PIEZO2: variants seen among roughly 807,000 people sequenced by gnomAD.
PIEZO2 encodes piezo type mechanosensitive ion channel component 2, also known as piezo-type mechanosensitive ion channel component 2.
PIEZO2 carries 172 observed loss-of-function variants against 337.3 expected under a neutral mutation model. The observed-to-expected ratio is 0.51, with a 90% confidence interval of 0.45 to 0.58. The LOEUF (loss-of-function observed/expected upper bound fraction) is 0.58. PIEZO2 is among the 20% of genes least tolerant of loss of function. The pLI, the probability that PIEZO2 is intolerant of heterozygous loss-of-function variation, is 0.00. For synonymous variants in PIEZO2, 1,251 were observed against 1,228.5 expected (o/e 1.02, Z -0.38); for missense variants, 3,028 against 3,391.3 (o/e 0.89, Z 2.66).
chr18:10,997,240 C>T (rs1220205544), intron 2 of PIEZO2, among the ~76,000 whole-genome samples: 1 of 148,830 alleles, frequency 6.7e-6, no homozygotes, highest in Middle Eastern at 3.4e-3. Flanking sequence ...AGATTGACTG[C>T]CTGCAAAAAA....
intron 3 of PIEZO2, among the ~76,000 whole-genome samples, chr18:10,937,776 T>C (rs1408394216): frequency 6.6e-6 from 1 of 152,058 alleles, no homozygotes; most frequent in Non-Finnish European, 1.5e-5. Context: ...GTCCTAGGAG[T>C]CCTTTTCACA....
intron 16 of PIEZO2, 114 bp from the exon 17 acceptor site, chr18:10,785,071 G>T: frequency 5.8e-6 from 7 of 1,201,908 alleles, no homozygotes; most frequent in Non-Finnish European, 7.9e-6. Context: ...ATCGTTTATT[G>T]AATCCCTCTC....
Position 11,032,651 on chromosome 18 carries a change from G to A in PIEZO2, c.160+33476C>T, listed in dbSNP as rs2036782596. Among the ~76,000 whole-genome samples the A allele has an allele frequency of 6.6e-6, 1 of 152,152 alleles. No individual in the cohort carries two copies. The highest frequency in any genetic ancestry group is 6.5e-5 in the Admixed American group (1 of 15,276). ...AAGGCAGTATGTTCTGAGCAATAAG[G>A]CAAATGCATTTCAGTTTTAAAATGT... On this transcript the variant is annotated intron_variant, in intron 2 of 55. Transcript: ENST00000674853. The surrounding 1 kb of genome is among the most constrained non-coding windows in gnomAD (Gnocchi z 4.9).
At chr18:10,911,473 G>A (rs1362727643) in intron 3 of PIEZO2, among the ~76,000 whole-genome samples, 3 of 149,608 alleles carry the variant, frequency 2.0e-5, no homozygotes, top group Admixed American at 1.3e-4. Context: ...CCTGCAATGT[G>A]GCCAGCCGCA....
Position 10,724,591 on chromosome 18 carries a change from C to G in PIEZO2, c.5030-6332G>C, listed in dbSNP as rs1251060618. On this transcript the variant is annotated intron_variant, in intron 36 of 55. Coordinates refer to ENST00000674853, the MANE Select transcript of PIEZO2 (RefSeq NM_001378183.1). This position sits in a 1 kb window ranked among gnomAD's most constrained non-coding sequence, Gnocchi z 5.8. ...CGACAGTGTGGGGAGTTGGAGTGAC[C>G]CAGCTGGATGTGACCCCCAAGACAG... 1 of 608,342 alleles carries G rather than the reference C, an allele frequency of 1.6e-6. No individual in the cohort carries two copies. Among genetic ancestry groups the G allele is most frequent in the Non-Finnish European group, 3.0e-6 (1 of 336,008 alleles). The allele number at this position is 608,342 out of a possible 1,614,324, so 37.7% of individuals were successfully genotyped here.
At position 10,846,350 on chromosome 18, in the gene PIEZO2, C is replaced by T. The variant is rs748163212; in HGVS notation, c.917+9003G>A. 7.8e-4 allele frequency among the ~76,000 whole-genome samples: 118 copies of T among 152,170 alleles called. No individual in the cohort carries two copies. The highest frequency in any genetic ancestry group is 6.6e-4 in the Non-Finnish European group (45 of 68,040). ...TATCACCAGAACAACACAGGAAAGA[C>T]CTGCCCCCATAATTCAATCACCTCC... is the stretch of plus-strand genomic sequence containing the variant. On this transcript the variant is annotated intron_variant, in intron 7 of 55. Coordinates refer to ENST00000674853, the MANE Select transcript of PIEZO2 (RefSeq NM_001378183.1). This position sits in a 1 kb window ranked among gnomAD's most constrained non-coding sequence, Gnocchi z 4.1.
chr18:11,116,800 A>G lies in PIEZO2; in HGVS notation c.64+31725T>C, dbSNP rs1475811195. ...CTGTATAGCACAGTAGGGTGACTAT[A>G]GTTAACAATAATTTATTGTGTATTT... On this transcript the variant is annotated intron_variant, in intron 1 of 55. Coordinates refer to ENST00000674853, the MANE Select transcript of PIEZO2 (RefSeq NM_001378183.1). This position sits in a 1 kb window ranked among gnomAD's most constrained non-coding sequence, Gnocchi z 5.0. Among the ~76,000 whole-genome samples the G allele has an allele frequency of 6.6e-6, 1 of 151,658 alleles. No individual in the cohort carries two copies. The highest frequency in any genetic ancestry group is 1.5e-5 in the Non-Finnish European group (1 of 67,928).
At chr18:10,796,920 T>A (rs950916736) in intron 12 of PIEZO2, among the ~76,000 whole-genome samples, 3 of 152,142 alleles carry the variant, frequency 2.0e-5, no homozygotes, top group Non-Finnish European at 4.4e-5. Context: ...TTACATACCA[T>A]CATATATGTA....
At position 10,689,825 on chromosome 18, in the gene PIEZO2, A is replaced by T. The variant is rs769340814; in HGVS notation, c.7350-23T>A. 4 of 1,587,486 alleles carry T rather than the reference A, an allele frequency of 2.5e-6. No individual in the cohort carries two copies. The Admixed American group carries it at 6.9e-5, about 27-fold the overall frequency. On this transcript the variant is annotated intron_variant, in intron 48 of 55. Coordinates refer to ENST00000674853, the MANE Select transcript of PIEZO2 (RefSeq NM_001378183.1). ...AACCTGGCAGGAAACACATCTCGTCAGAGAGACATTCGTGGGTGGCCCCCA... is the reference window on the plus strand; with the variant it reads ...AACCTGGCAGGAAACACATCTCGTCTGAGAGACATTCGTGGGTGGCCCCCA...
At chr18:10,697,160 C>A (rs1368736171) in intron 45 of PIEZO2, among the ~76,000 whole-genome samples, 1 of 152,170 alleles carries the variant, frequency 6.6e-6, no homozygotes, top group African/African-American at 2.4e-5. Context: ...GTCTGTCTAA[C>A]CTTTGCCCTA....
At position 10,759,143 on chromosome 18, in the gene PIEZO2, C is replaced by G. The variant is rs2038012782; in HGVS notation, c.3757+339G>C. 6.6e-6 allele frequency among the ~76,000 whole-genome samples: 1 copy of G among 151,892 alleles called. No individual in the cohort carries two copies. Among genetic ancestry groups the G allele is most frequent in the African/African-American group, 2.4e-5 (1 of 41,336 alleles). On this transcript the variant is annotated intron_variant, in intron 26 of 55. Transcript: ENST00000674853. The surrounding 1 kb of genome is among the most constrained non-coding windows in gnomAD (Gnocchi z 5.5). The stretch of plus-strand genomic sequence containing the variant: ...ATCTGCACTGGGAGCCAGAAACCAC[C>G]AAGTCAGAAAACACAAAAGCCTTCC...
chr18:11,100,689 G>A (rs545486849), intron 1 of PIEZO2, among the ~76,000 whole-genome samples: 12 of 152,172 alleles, frequency 7.9e-5, no homozygotes, highest in Admixed American at 2.6e-4. Context: ...TCCGCCTCCC[G>A]GGTTCACGCC....
rs150506030 is a variant in PIEZO2, at chr18:10,927,231, T to C, written c.287-16003A>G. 4.2e-3 allele frequency among the ~76,000 whole-genome samples: 640 copies of C among 152,282 alleles called. 4 individuals are homozygous for C. Among genetic ancestry groups the C allele is most frequent in the Non-Finnish European group, 5.9e-3 (399 of 68,004 alleles). On this transcript the variant is annotated intron_variant, in intron 3 of 55. Transcript: ENST00000674853. ...GGTTTTGCTTTTCTTTTTCCTATTT[T>C]ATTTTATTATTATTATTTTTTAAAG...
At chr18:10,868,229 G>A (rs999773620) in intron 5 of PIEZO2, among the ~76,000 whole-genome samples, 1 of 152,222 alleles carries the variant, frequency 6.6e-6, no homozygotes, top group East Asian at 1.9e-4. Flanking sequence ...TGAGATAAAT[G>A]AAAGAAGAAA....
intron 45 of PIEZO2, among the ~76,000 whole-genome samples, chr18:10,696,826 G>A (rs573404820): frequency 3.3e-5 from 5 of 152,328 alleles, no homozygotes; most frequent in African/African-American, 7.2e-5. Flanking sequence ...CCCTGGGAAC[G>A]AGGTGTTGGG....
At chr18:11,045,291 G>A (rs1372230987) in intron 2 of PIEZO2, among the ~76,000 whole-genome samples, 6 of 52,696 alleles carry the variant, frequency 1.1e-4, no homozygotes, top group East Asian at 7.1e-4. Flanking sequence ...GTGAGACTCC[G>A]TCTCAAAAAA....
chr18:10,755,617 C>T (rs1006749213), intron 27 of PIEZO2, among the ~76,000 whole-genome samples: 6 of 152,154 alleles, frequency 3.9e-5, no homozygotes, highest in Admixed American at 3.3e-4. Context: ...AGGTCGAGCA[C>T]GGTTTAAGCA....
chr18:10,672,189 A>G lies in PIEZO2; in HGVS notation c.8346-410T>C, dbSNP rs907727581. Among the ~76,000 whole-genome samples the G allele has an allele frequency of 1.3e-5, 2 of 152,308 alleles. No homozygotes were observed. The highest frequency in any genetic ancestry group is 3.4e-3 in the Middle Eastern group (1 of 294). On this transcript the variant is annotated intron_variant, in intron 55 of 55. Transcript: ENST00000674853. The surrounding 1 kb of genome is among the most constrained non-coding windows in gnomAD (Gnocchi z 4.7). The stretch of plus-strand genomic sequence containing the variant: ...TTTTAGCAATACTGTCTCTCAGATT[A>G]ATTTTTATAAAATTCTGGGTGAAAA...
rs1045519353 is a variant in PIEZO2, at chr18:10,847,227, G to A, written c.917+8126C>T. Reference sequence around the variant, plus strand: ...TGCTCGCTGGCCAGATGACATGACGGCAGCCGGGGCAGGTGACTGCAGGTG... The same window carrying A: ...TGCTCGCTGGCCAGATGACATGACGACAGCCGGGGCAGGTGACTGCAGGTG... On this transcript the variant is annotated intron_variant, in intron 7 of 55. Transcript: ENST00000674853. This position sits in a 1 kb window ranked among gnomAD's most constrained non-coding sequence, Gnocchi z 5.7. Among the ~76,000 whole-genome samples the A allele has an allele frequency of 2.0e-5, 3 of 152,228 alleles. No homozygotes were observed. The highest frequency in any genetic ancestry group is 7.2e-5 in the African/African-American group (3 of 41,458).
Sources: allele counts gnomAD v4.1 joint callset (sites outside exome capture counted in the v4.1 genomes callset), GRCh38; gene constraint gnomAD v4.1.1; non-coding constraint Gnocchi (gnomAD v3.1); transcripts MANE v1.5; gene names NCBI Gene and HGNC (gene_info 2026-07-23, HGNC 2026-07-21).